MGAT4C: variants seen among roughly 807,000 people sequenced by gnomAD.
MGAT4C encodes the protein alpha-1,3-mannosyl-glycoprotein 4-beta-N-acetylglucosaminyltransferase C.
Under a neutral mutation model 40.1 loss-of-function variants are expected in MGAT4C, and 19 were observed. The ratio of observed to expected loss-of-function variants is 0.47; its 90% CI spans 0.33 to 0.70. The LOEUF is 0.70. Among genes scored for constraint, MGAT4C ranks in the 30% least tolerant of loss-of-function variants. MGAT4C has a pLI of 0.02. For synonymous variants in MGAT4C, 181 were observed against 187.1 expected (o/e 0.97, Z 0.27); for missense variants, 491 against 563.2 (o/e 0.87, Z 1.30).
chr12:86,776,315 T>A (rs1469657142), intron 1 of MGAT4C, among the ~76,000 whole-genome samples: 1 of 152,044 alleles, frequency 6.6e-6, no homozygotes, highest in Non-Finnish European at 1.5e-5. Flanking sequence ...AAACATTATA[T>A]TAATTTAATG....
At chr12:86,565,694 C>T (rs1470724047) in intron 2 of MGAT4C, among the ~76,000 whole-genome samples, 2 of 152,204 alleles carry the variant, frequency 1.3e-5, no homozygotes, top group Non-Finnish European at 2.9e-5. Flanking sequence ...GTGGATGGAC[C>T]TCTCTGAGTG....
chr12:86,315,548 A>T (rs1034342477), intron 4 of MGAT4C, among the ~76,000 whole-genome samples: 3 of 2,434 alleles, frequency 1.2e-3, no homozygotes, highest in African/African-American at 5.6e-3. Context: ...TAAAAATATA[A>T]AAAAAAAATT....
chr12:86,715,527 GA>G (rs1275811110), intron 2 of MGAT4C, among the ~76,000 whole-genome samples: 1 of 152,082 alleles, frequency 6.6e-6, no homozygotes, highest in African/African-American at 2.4e-5. Flanking sequence ...AACTTTTAGA[GA>G]GTCAATCTTG....
At chr12:86,439,889 T>C (rs1957198294) in intron 2 of MGAT4C, among the ~76,000 whole-genome samples, 1 of 152,098 alleles carries the variant, frequency 6.6e-6, no homozygotes, top group African/African-American at 2.4e-5. Flanking sequence ...AGTGGATAAA[T>C]TCCTGAAAAC....
chr12:86,758,457 G>A (rs1195387389), intron 1 of MGAT4C, among the ~76,000 whole-genome samples: 2 of 148,284 alleles, frequency 1.3e-5, no homozygotes, highest in Non-Finnish European at 3.0e-5. Context: ...TCTTATTACT[G>A]CATGTTTTTA....
chr12:86,718,303 A>G (rs1279734462), intron 2 of MGAT4C, among the ~76,000 whole-genome samples: 1 of 152,200 alleles, frequency 6.6e-6, no homozygotes, highest in Non-Finnish European at 1.5e-5. Context: ...GTTGTGGTAT[A>G]AAAGCCCCAA....
At chr12:86,677,174 G>A (rs544231022) in intron 2 of MGAT4C, among the ~76,000 whole-genome samples, 1 of 152,116 alleles carries the variant, frequency 6.6e-6, no homozygotes, top group South Asian at 2.1e-4. Context: ...TATTATTTGA[G>A]AAACCACGTG....
At chr12:86,214,658 T>C (rs1434967769) in intron 1 of MGAT4C, among the ~76,000 whole-genome samples, 1 of 152,202 alleles carries the variant, frequency 6.6e-6, no homozygotes, top group African/African-American at 2.4e-5. Context: ...CCTCTTCCTA[T>C]GAGCACACTA....
In MGAT4C at chr12:86,267,444, G is replaced by A. The variant is rs953176625; in HGVS notation, c.-57+66621C>T. Among the ~76,000 whole-genome samples, 18 of 152,168 alleles carry A rather than the reference G, an allele frequency of 1.2e-4. 1 individual carries two copies. In the East Asian group the frequency reaches 3.5e-3, roughly 29 times the overall value. Reference sequence around the variant, plus strand: ...AGTAAAGCAATTACACAAAGGAAGAGGAGAAAGGAATCAAGTGGCACCACT... The same window carrying A: ...AGTAAAGCAATTACACAAAGGAAGAAGAGAAAGGAATCAAGTGGCACCACT... On this transcript the variant is annotated intron_variant, in intron 4 of 7. Coordinates refer to the MGAT4C transcript ENST00000548651.
chr12:86,774,343 C>CTTTTTCTTTCTTTCTTTCTTTCTTTCTT, intron 1 of MGAT4C, among the ~76,000 whole-genome samples: 1 of 54,502 alleles, frequency 1.8e-5, no homozygotes, highest in Non-Finnish European at 4.4e-5. Context: ...TTCTTTCTGT[C>CTTTTTCTTTCTTTCTTTCTTTCTTTCTT]TCTCTCTCTC....
At chr12:86,834,612 C>CCACA (rs148269576) in intron 1 of MGAT4C, among the ~76,000 whole-genome samples, 1,690 of 148,228 alleles carry the variant, frequency 0.011, 7 homozygotes, top group South Asian at 0.015. Flanking sequence ...CCCCCAACCA[C>CCACA]CACACACACA....
intron 2 of MGAT4C, among the ~76,000 whole-genome samples, chr12:86,524,827 G>A (rs922148572): frequency 2.0e-5 from 3 of 152,014 alleles, no homozygotes; most frequent in Non-Finnish European, 4.4e-5. Context: ...TTCAGGCTCT[G>A]AGATTCTTTC....
At chr12:86,480,260 C>T (rs1957909818) in intron 2 of MGAT4C, among the ~76,000 whole-genome samples, 1 of 151,626 alleles carries the variant, frequency 6.6e-6, no homozygotes, top group African/African-American at 2.4e-5. Context: ...ACATTTGCTG[C>T]TTTTGGAAAC....
At position 86,555,253 on chromosome 12, in the gene MGAT4C, CT is replaced by C. The variant is rs1381802950; in HGVS notation, c.-228-119989del. ...GGGACATATTTAGTGTACCATTTTTCTGTATACCACAGTGTCCAAAAAAAGA... is the reference window on the plus strand; with the variant it reads ...GGGACATATTTAGTGTACCATTTTTCGTATACCACAGTGTCCAAAAAAAGA... On this transcript the variant is annotated intron_variant, in intron 2 of 7. Coordinates refer to the MGAT4C transcript ENST00000548651. Among the ~76,000 whole-genome samples, 7 of 152,132 alleles carry C rather than the reference CT, an allele frequency of 4.6e-5. No individual in the cohort carries two copies. The East Asian group carries it at 1.4e-3, about 29-fold the overall frequency.
At chr12:86,600,960 C>A (rs1006955541) in intron 2 of MGAT4C, among the ~76,000 whole-genome samples, 11 of 152,254 alleles carry the variant, frequency 7.2e-5, no homozygotes, top group Admixed American at 2.0e-4. Context: ...TCCTGATAGC[C>A]GAGCCCAGGC....
At chr12:86,164,527 C>A (rs917693126) in intron 1 of MGAT4C, among the ~76,000 whole-genome samples, 1 of 152,152 alleles carries the variant, frequency 6.6e-6, no homozygotes, top group African/African-American at 2.4e-5. Context: ...CATTAATCAA[C>A]TAGTCACTAA....
At chr12:86,493,803 T>A (rs1348400792) in intron 2 of MGAT4C, among the ~76,000 whole-genome samples, 1 of 151,640 alleles carries the variant, frequency 6.6e-6, no homozygotes. Context: ...ATAATAATAA[T>A]AAAATAAAAT....
chr12:86,368,123 G>T (rs755266819), intron 3 of MGAT4C, among the ~76,000 whole-genome samples: 5 of 152,022 alleles, frequency 3.3e-5, no homozygotes, highest in African/African-American at 7.2e-5. Context: ...AAGTTAATAT[G>T]GGGTAAATTA....
intron 2 of MGAT4C, among the ~76,000 whole-genome samples, chr12:86,033,021 A>G (rs890142826): frequency 6.7e-6 from 1 of 149,506 alleles, no homozygotes; most frequent in Non-Finnish European, 1.5e-5. Flanking sequence ...TTGAATAGGG[A>G]GTCCTTTCTC....
Sources: allele counts gnomAD v4.1 joint callset (sites outside exome capture counted in the v4.1 genomes callset), GRCh38; gene constraint gnomAD v4.1.1; transcripts MANE v1.5; gene names NCBI Gene and HGNC (gene_info 2026-07-23, HGNC 2026-07-21).